GLP2R: variants seen among roughly 807,000 people sequenced by gnomAD.
The protein encoded by GLP2R is glucagon like peptide 2 receptor.
GLP2R carries 59 observed loss-of-function variants against 68.2 expected under a neutral mutation model. The ratio of observed to expected loss-of-function variants is 0.87; its 90% CI spans 0.70 to 1.07. The LOEUF (loss-of-function observed/expected upper bound fraction) is 1.07. Ranked by LOEUF, GLP2R falls within the 50% of genes least tolerant of loss-of-function variation. The pLI is 0.00. For synonymous variants in GLP2R, 270 were observed against 265.4 expected (o/e 1.02, Z -0.17); for missense variants, 548 against 677.4 (o/e 0.81, Z 2.12).
At chr17:9,846,351 C>T (rs765260173) in intron 4 of GLP2R, among the ~76,000 whole-genome samples, 25 of 152,196 alleles carry the variant, frequency 1.6e-4, no homozygotes, top group Non-Finnish European at 2.6e-4. Context: ...TGCAGTAGCT[C>T]AGGCCTGTAA....
intron 4 of GLP2R, among the ~76,000 whole-genome samples, chr17:9,844,911 G>A (rs1259365794): frequency 2.7e-5 from 4 of 149,604 alleles, no homozygotes; most frequent in African/African-American, 9.8e-5. Flanking sequence ...GGCTGGTCTC[G>A]AACTCCTGAC....
In GLP2R at chr17:9,836,352, A is replaced by C. The variant is rs748803542; in HGVS notation, c.278-19A>C. ...GTGCTAAAACACTGATGTTTATCAG[A>C]CCCTTCTTCTCTCTGTAGGCATATT... On this transcript the variant is annotated intron_variant, in intron 2 of 12. Transcript: ENST00000262441. 6.7e-7 allele frequency: 1 copy of C among 1,501,238 alleles called. No individual in the cohort carries two copies. The highest frequency in any genetic ancestry group is 2.3e-5 in the East Asian group (1 of 44,338). 93.0% of individuals were successfully genotyped at this position (1,501,238 alleles called of 1,614,324 possible).
intron 11 of GLP2R, among the ~76,000 whole-genome samples, chr17:9,887,595 C>T (rs968258008): frequency 5.3e-5 from 8 of 152,098 alleles, no homozygotes; most frequent in African/African-American, 1.9e-4. Flanking sequence ...CAACAGTGAC[C>T]TTGCCCAATA....
At chr17:9,831,720 G>T (rs1245635046) in intron 1 of GLP2R, among the ~76,000 whole-genome samples, 1 of 152,278 alleles carries the variant, frequency 6.6e-6, no homozygotes, top group Admixed American at 6.5e-5. Context: ...AGGCAGGAGA[G>T]CCCTGTGCTC....
chr17:9,847,155 C>G (rs1046390586), intron 4 of GLP2R, among the ~76,000 whole-genome samples: 1 of 152,188 alleles, frequency 6.6e-6, no homozygotes, highest in Non-Finnish European at 1.5e-5. Context: ...AAAAATAACC[C>G]CAGTGGCACT....
chr17:9,826,091 C>T lies in GLP2R; in HGVS notation c.28C>T (p.Pro10Ser), dbSNP rs755097440. Residue 10 changes from proline (P) to serine (S), a missense_variant, in exon 1 of 13, where the codon CCT becomes TCT. Transcript: ENST00000262441. MKLGSSRAG[P>S]GRGSAGLLPG... ...GAAGCTGGGATCGAGCAGGGCAGGG[C>T]CTGGGAGAGGAAGCGCGGGACTCCT... 3.1e-6 allele frequency: 5 copies of T among 1,612,844 alleles called. No individual in the cohort carries two copies. Among genetic ancestry groups the T allele is most frequent in the Middle Eastern group, 1.7e-4 (1 of 5,898 alleles).
At chr17:9,846,566 C>A (rs558535562) in intron 4 of GLP2R, among the ~76,000 whole-genome samples, 1 of 152,308 alleles carries the variant, frequency 6.6e-6, no homozygotes, top group East Asian at 1.9e-4. Context: ...CTGTAATGAG[C>A]TACGATTGTG....
chr17:9,873,556 C>CTTGTTTTTTTTTTTTTTTTTTTTTTTTTT (rs2067115439), intron 10 of GLP2R, among the ~76,000 whole-genome samples: 1 of 52,076 alleles, frequency 1.9e-5, no homozygotes, highest in Non-Finnish European at 3.4e-5. Flanking sequence ...TATGCATGGA[C>CTTGTTTTTTTTTTTTTTTTTTTTTTTTTT]TTTTTTTTTT....
chr17:9,860,597 T>C (rs949891756), intron 7 of GLP2R, among the ~76,000 whole-genome samples: 7 of 152,114 alleles, frequency 4.6e-5, no homozygotes, highest in Non-Finnish European at 1.0e-4. Flanking sequence ...ACTAATCCTG[T>C]CATGAGGACC....
intron 9 of GLP2R, among the ~76,000 whole-genome samples, chr17:9,870,275 G>A (rs2067080146): frequency 6.6e-6 from 1 of 152,250 alleles, no homozygotes; most frequent in African/African-American, 2.4e-5. Context: ...ACCTTAAGGG[G>A]ATGTTGTAAA....
At chr17:9,870,651 A>G in intron 9 of GLP2R, 96 bp from the exon 10 acceptor site, 1 of 729,722 alleles carries the variant, frequency 1.4e-6, no homozygotes, top group Non-Finnish European at 2.5e-6. Context: ...TTTACATTGA[A>G]CTGATGGAAC....
chr17:9,888,203 G>T (rs1047968510), intron 12 of GLP2R, among the ~76,000 whole-genome samples: 9 of 152,290 alleles, frequency 5.9e-5, no homozygotes, highest in African/African-American at 2.2e-4. Context: ...GCCAGCACTG[G>T]CTCTGCTGGA....
At chr17:9,833,090 A>G (rs1354466796) in intron 1 of GLP2R, among the ~76,000 whole-genome samples, 1 of 152,064 alleles carries the variant, frequency 6.6e-6, no homozygotes, top group African/African-American at 2.4e-5. Context: ...GTGAAAACCC[A>G]TCGCTACTAA....
At chr17:9,878,725 T>C (rs988458651) in intron 10 of GLP2R, among the ~76,000 whole-genome samples, 1 of 152,292 alleles carries the variant, frequency 6.6e-6, no homozygotes, top group African/African-American at 2.4e-5. Flanking sequence ...AAAGGTGAGG[T>C]TGTTTATTTC....
At chr17:9,881,929 C>A (rs2067199842) in intron 11 of GLP2R, among the ~76,000 whole-genome samples, 1 of 151,250 alleles carries the variant, frequency 6.6e-6, no homozygotes, top group South Asian at 2.1e-4. Context: ...GGTGTGGGGG[C>A]AGGACTTCTG....
At chr17:9,848,829 G>A (rs1044418159) in intron 4 of GLP2R, among the ~76,000 whole-genome samples, 2 of 151,420 alleles carry the variant, frequency 1.3e-5, no homozygotes, top group Non-Finnish European at 2.9e-5. Context: ...GAGATGCTGG[G>A]GGTCCTTATG....
intron 5 of GLP2R, among the ~76,000 whole-genome samples, chr17:9,856,328 G>A (rs907523040): frequency 6.6e-6 from 1 of 152,246 alleles, no homozygotes; most frequent in Non-Finnish European, 1.5e-5. Flanking sequence ...GAAAAGTGAG[G>A]CCCAGTCGCT....
At chr17:9,834,940 T>A (rs1008667763) in intron 2 of GLP2R, among the ~76,000 whole-genome samples, 19 of 151,802 alleles carry the variant, frequency 1.3e-4, no homozygotes, top group African/African-American at 4.6e-4. Flanking sequence ...TGCTGACACC[T>A]GGCAGCCAGG....
At chr17:9,845,063 CT>C (rs567510721) in intron 4 of GLP2R, among the ~76,000 whole-genome samples, 65,764 of 143,726 alleles carry the variant, frequency 0.46, 15,479 homozygotes, top group Middle Eastern at 0.6. Flanking sequence ...CAAGTTGTGG[CT>C]TTTTTTTTTT....
Sources: allele counts gnomAD v4.1 joint callset (sites outside exome capture counted in the v4.1 genomes callset), GRCh38; gene constraint gnomAD v4.1.1; transcripts MANE v1.5; gene names NCBI Gene and HGNC (gene_info 2026-07-23, HGNC 2026-07-21).